The following SCRG1 variants were observed in gnomAD, a reference collection of about 807,000 sequenced individuals.
The protein encoded by SCRG1 is stimulator of chondrogenesis 1.
SCRG1 carries 3 observed loss-of-function variants against 7.7 expected under a neutral mutation model. That is an observed-to-expected ratio of 0.39 (90% CI 0.18 to 1.01). The LOEUF is 1.01. Ranked by LOEUF, SCRG1 falls within the 50% of genes least tolerant of loss-of-function variation. The probability of loss-of-function intolerance (pLI) is 0.36; values close to 1 mark genes in which losing one functional copy is unlikely to be tolerated. For synonymous variants in SCRG1, 46 were observed against 41.2 expected (o/e 1.12, Z -0.44); for missense variants, 110 against 117.2 (o/e 0.94, Z 0.28).
chr4:173,402,454 T>TA (rs5864196), upstream of SCRG1, among the ~76,000 whole-genome samples: 4 of 146,402 alleles, frequency 2.7e-5, no homozygotes, highest in African/African-American at 9.9e-5. Flanking sequence ...TATTTCTTTT[T>TA]AAAAAAAAAA....
chr4:173,482,786 C>A, the SCRG1 span, among the ~76,000 whole-genome samples: 1 of 150,308 alleles, frequency 6.7e-6, no homozygotes, highest in South Asian at 2.1e-4. Context: ...CCACTGGACT[C>A]CAGCCTGGGT....
upstream of SCRG1, among the ~76,000 whole-genome samples, chr4:173,407,328 C>T (rs990337762): frequency 6.6e-6 from 1 of 151,858 alleles, no homozygotes; most frequent in East Asian, 1.9e-4. Context: ...ACCAGCCTGA[C>T]CAACATGGTG....
the SCRG1 span, among the ~76,000 whole-genome samples, chr4:173,493,113 C>T: frequency 9.2e-5 from 14 of 152,060 alleles, no homozygotes; most frequent in African/African-American, 2.9e-4. Flanking sequence ...ACTGTTATTA[C>T]GGTTTGGCTC....
chr4:173,445,584 A>AAAG, the SCRG1 span, among the ~76,000 whole-genome samples: 3 of 1,980 alleles, frequency 1.5e-3, no homozygotes, highest in Non-Finnish European at 0.1. Flanking sequence ...TCCGTCTCGG[A>AAAG]AAAAAAAAAG....
chr4:173,392,088 C>T (rs1408816460), intron 1 of SCRG1, among the ~76,000 whole-genome samples: 1 of 152,160 alleles, frequency 6.6e-6, no homozygotes, highest in Non-Finnish European at 1.5e-5. Flanking sequence ...TAATTGAATA[C>T]AGTGGTTCTT....
chr4:173,432,589 C>A, the SCRG1 span, among the ~76,000 whole-genome samples: 5 of 152,216 alleles, frequency 3.3e-5, no homozygotes, highest in East Asian at 1.9e-4. Flanking sequence ...TCTACATGAC[C>A]TTCCAGCCCA....
chr4:173,429,414 T>C, the SCRG1 span, among the ~76,000 whole-genome samples: 1 of 152,168 alleles, frequency 6.6e-6, no homozygotes, highest in African/African-American at 2.4e-5. Flanking sequence ...CACTTTAGCC[T>C]CCTAAGTAGT....
the SCRG1 span, among the ~76,000 whole-genome samples, chr4:173,445,533 T>C: frequency 2.0e-5 from 3 of 146,974 alleles, no homozygotes; most frequent in Non-Finnish European, 4.5e-5. Context: ...GGTGAGCCGA[T>C]ATCGTGCCAC....
At chr4:173,429,292 A>AAT in the SCRG1 span, among the ~76,000 whole-genome samples, 1 of 150,586 alleles carries the variant, frequency 6.6e-6, no homozygotes. Context: ...GAGAAAAAAA[A>AAT]TTTTTTTTTT....
the SCRG1 span, among the ~76,000 whole-genome samples, chr4:173,436,788 AACC>A: frequency 1.3e-5 from 2 of 152,120 alleles, no homozygotes; most frequent in Non-Finnish European, 2.9e-5. Flanking sequence ...TGCCTGGCTG[AACC>A]ACCAACTTCG....
upstream of SCRG1, among the ~76,000 whole-genome samples, chr4:173,411,262 A>G (rs1055417167): frequency 2.0e-5 from 3 of 152,258 alleles, no homozygotes; most frequent in African/African-American, 7.2e-5. Flanking sequence ...AAAGACACTA[A>G]AAGCCTAACT....
chr4:173,516,351 C>A, the SCRG1 span, among the ~76,000 whole-genome samples: 1 of 152,198 alleles, frequency 6.6e-6, no homozygotes, highest in African/African-American at 2.4e-5. Context: ...TTAAGTCACA[C>A]CCTGCAATGC....
chr4:173,478,984 G>A, the SCRG1 span, among the ~76,000 whole-genome samples: 1 of 152,162 alleles, frequency 6.6e-6, no homozygotes, highest in Non-Finnish European at 1.5e-5. Context: ...CAATTTCAGT[G>A]TGTGGCACAA....
the SCRG1 span, among the ~76,000 whole-genome samples, chr4:173,425,523 C>T: frequency 6.6e-6 from 1 of 152,206 alleles, no homozygotes; most frequent in African/African-American, 2.4e-5. Context: ...TGGATCTCTT[C>T]CTGTGTTCCC....
At chr4:173,466,476 G>C in the SCRG1 span, among the ~76,000 whole-genome samples, 1 of 151,960 alleles carries the variant, frequency 6.6e-6, no homozygotes, top group Non-Finnish European at 1.5e-5. Flanking sequence ...GCAGAATTAG[G>C]ATTGAAACCT....
the SCRG1 span, among the ~76,000 whole-genome samples, chr4:173,476,821 T>C: frequency 6.6e-6 from 1 of 151,702 alleles, no homozygotes; most frequent in Non-Finnish European, 1.5e-5. Flanking sequence ...ATCCCATCTC[T>C]AAAAAAGAAA....
chr4:173,510,681 A>C, the SCRG1 span, among the ~76,000 whole-genome samples: 1 of 152,112 alleles, frequency 6.6e-6, no homozygotes, highest in Non-Finnish European at 1.5e-5. The surrounding 1 kb of genome is among the most constrained non-coding windows in gnomAD (Gnocchi z 5.7). Flanking sequence ...TAGTTGGGAT[A>C]TAGCCTCTCT....
At chr4:173,405,699 G>T (rs1475569990) in intron 1 of SCRG1, among the ~76,000 whole-genome samples, 1 of 152,180 alleles carries the variant, frequency 6.6e-6, no homozygotes, top group Non-Finnish European at 1.5e-5. Context: ...CCCAGCTTTT[G>T]CCTTTAGGGG....
chr4:173,442,668 G>A, the SCRG1 span, among the ~76,000 whole-genome samples: 2 of 152,144 alleles, frequency 1.3e-5, no homozygotes, highest in Non-Finnish European at 2.9e-5. Context: ...TACTTGGCTC[G>A]CAGTTCTAGA....
Sources: gnomAD v4.1 joint callset for allele counts (sites outside exome capture counted in the v4.1 genomes callset) on GRCh38, gnomAD v4.1.1 for gene constraint, Gnocchi (gnomAD v3.1) non-coding constraint, MANE v1.5 for transcripts, NCBI Gene and HGNC (gene_info 2026-07-23, HGNC 2026-07-21) for gene names.